Variants in WDR17 observed in about 807,000 individuals in gnomAD.
WDR17 encodes WD repeat-containing protein 17.
Under a neutral mutation model 161.7 loss-of-function variants are expected in WDR17, and 143 were observed. The observed-to-expected ratio is 0.88, with a 90% confidence interval of 0.77 to 1.02. WDR17 has a LOEUF of 1.02. Ranked by LOEUF, WDR17 falls within the 50% of genes least tolerant of loss-of-function variation. WDR17 has a pLI of 0.00. For missense variants in WDR17, 1,469 were observed against 1,520.9 expected, an observed-to-expected ratio of 0.97 and a Z score of 0.57; for synonymous variants, 517 against 515.6, an observed-to-expected ratio of 1.00 and a Z score of -0.04.
intron 7 of WDR17, 55 bp from the exon 8 acceptor site, chr4:176,135,053 A>G (rs1322794012): frequency 1.9e-6 from 3 of 1,547,852 alleles, no homozygotes; most frequent in African/African-American, 1.4e-5. Context: ...TGGTTCATCT[A>G]TTAATAATGT....
In WDR17 at chr4:176,115,995, G is replaced by C; in HGVS notation, c.307+16G>C. ...AGTACAAAAGGTATAATTACAACTG[G>C]GATTTATTTTATGGAATAAAATATT... is the stretch of plus-strand genomic sequence containing the variant. On this transcript the variant is annotated intron_variant, in intron 3 of 28. Coordinates refer to ENST00000508596, the MANE Select transcript of WDR17 (RefSeq NM_181265.4). 2 of 1,565,336 alleles carry C rather than the reference G, an allele frequency of 1.3e-6. No individual in the cohort carries two copies. Among genetic ancestry groups the C allele is most frequent in the Non-Finnish European group, 8.6e-7 (1 of 1,159,662 alleles).
chr4:176,152,799 G>T (rs999659529), intron 17 of WDR17, among the ~76,000 whole-genome samples: 1 of 150,766 alleles, frequency 6.6e-6, no homozygotes, highest in Admixed American at 6.6e-5. Context: ...GCCCAGCATG[G>T]TGGCGTATTC....
At chr4:176,149,358 C>T (rs1276526673) in intron 13 of WDR17, among the ~76,000 whole-genome samples, 2 of 152,064 alleles carry the variant, frequency 1.3e-5, no homozygotes, top group Non-Finnish European at 2.9e-5. Flanking sequence ...CAACCTTCAC[C>T]TCCCAGGTTC....
At chr4:176,078,762 T>C (rs953176669) in intron 1 of WDR17, among the ~76,000 whole-genome samples, 1 of 152,014 alleles carries the variant, frequency 6.6e-6, no homozygotes, top group Admixed American at 6.6e-5. Context: ...ATTTTGTTCA[T>C]TAAAACATAG....
intron 9 of WDR17, among the ~76,000 whole-genome samples, chr4:176,137,914 C>T (rs1216347995): frequency 6.6e-6 from 1 of 151,590 alleles, no homozygotes; most frequent in Admixed American, 6.6e-5. Flanking sequence ...AATTATAGTC[C>T]TGGTTCTGTT....
rs1207069475 is a variant in WDR17 at position 176,097,962 on chromosome 4, A to G, written c.-6-13613A>G. ...ATAAATGAATGCCTGGTTTTGAAAC[A>G]TACTAAAAGTGTAGCTGTTGTTAAA... On this transcript the variant is annotated intron_variant, in intron 1 of 28. Coordinates refer to ENST00000508596, the MANE Select transcript of WDR17 (RefSeq NM_181265.4). Among the ~76,000 whole-genome samples the G allele has an allele frequency of 2.0e-5, 3 of 152,018 alleles. 1 individual carries two copies. Among genetic ancestry groups the G allele is most frequent in the South Asian group, 4.1e-4 (2 of 4,830 alleles).
rs535041885 is a variant in WDR17 at position 176,115,655 on chromosome 4, G to A, written c.124-141G>A. ...ATGAATACACTTGAATGTAGACCAAGGCTTGAAATATGTTCATATCTTTAT... is the reference window on the plus strand; with the variant it reads ...ATGAATACACTTGAATGTAGACCAAAGCTTGAAATATGTTCATATCTTTAT... On this transcript the variant is annotated intron_variant, in intron 2 of 28. Transcript: ENST00000508596. The A allele has an allele frequency of 2.2e-5, 12 of 539,946 alleles. No individual in the cohort carries two copies. The South Asian group carries it at 2.2e-4, about 10-fold the overall frequency. The allele number at this position is 539,946 out of a possible 1,614,324, so 33.4% of individuals were successfully genotyped here.
chr4:176,140,079 C>A, intron 10 of WDR17, 105 bp downstream of exon 10: 3 of 896,662 alleles, frequency 3.3e-6, no homozygotes, highest in Non-Finnish European at 4.9e-6. Flanking sequence ...ACAGCTCTAC[C>A]AACTCTCAGA....
At chr4:176,104,164 C>G (rs1009467121) in intron 1 of WDR17, among the ~76,000 whole-genome samples, 1 of 152,038 alleles carries the variant, frequency 6.6e-6, no homozygotes. Context: ...TTTTATCCTG[C>G]AAAACTGTCT....
At chr4:176,129,825 A>G (rs1438198491) in intron 6 of WDR17, among the ~76,000 whole-genome samples, 1 of 149,854 alleles carries the variant, frequency 6.7e-6, no homozygotes, top group Non-Finnish European at 1.5e-5. Context: ...AAATATTAGG[A>G]CTAGAGAAGT....
intron 1 of WDR17, among the ~76,000 whole-genome samples, chr4:176,068,617 GA>G (rs1383357813): frequency 6.6e-6 from 1 of 151,472 alleles, no homozygotes; most frequent in Non-Finnish European, 1.5e-5. Context: ...TTAAAGAAAA[GA>G]AAAAGAAAAA....
At chr4:176,167,553 G>A (rs1749982507) in intron 22 of WDR17, among the ~76,000 whole-genome samples, 1 of 146,418 alleles carries the variant, frequency 6.8e-6, no homozygotes, top group Non-Finnish European at 1.5e-5. Context: ...GGCTGAGGCA[G>A]GAGAATGGCG....
intron 1 of WDR17, among the ~76,000 whole-genome samples, chr4:176,097,752 C>T (rs903786837): frequency 1.3e-5 from 2 of 151,218 alleles, no homozygotes; most frequent in South Asian, 4.2e-4. Context: ...TACACACACA[C>T]ACACACACAC....
rs1752057900 is a variant in WDR17, at chr4:176,180,535, C to G, written c.*956C>G. ...ACCAGCCTGGCCAGCATGGTAAAAC[C>G]CTGTCTCCACTAAAAATACAAAAAT... On this transcript the variant is annotated 3_prime_UTR_variant, in exon 29 of 29. Coordinates refer to ENST00000508596, the MANE Select transcript of WDR17 (RefSeq NM_181265.4). 6.6e-6 allele frequency: 1 copy of G among 152,136 alleles called. No individual in the cohort carries two copies. The allele number at this position is 152,136 out of a possible 1,614,324, so 9.4% of individuals were successfully genotyped here. A position where few individuals can be genotyped will look rare whatever the true frequency, so the allele number is the denominator to read the frequency against.
At chr4:176,120,320 A>ATG (rs1561130343) in intron 4 of WDR17, among the ~76,000 whole-genome samples, 1 of 138,594 alleles carries the variant, frequency 7.2e-6, no homozygotes, top group Non-Finnish European at 1.6e-5. Context: ...ATATATATAT[A>ATG]ATACATTCAA....
intron 6 of WDR17, among the ~76,000 whole-genome samples, chr4:176,130,478 C>T (rs1267159717): frequency 2.6e-5 from 4 of 152,232 alleles, no homozygotes; most frequent in South Asian, 2.1e-4. Flanking sequence ...GGCGCGGTGG[C>T]TCATGCCTGT....
intron 24 of WDR17, among the ~76,000 whole-genome samples, 153 bp downstream of exon 24, chr4:176,172,669 G>A (rs1288912723): frequency 1.3e-5 from 2 of 152,156 alleles, no homozygotes; most frequent in Admixed American, 1.3e-4. Flanking sequence ...TTGGCTCATG[G>A]TTCTGCAGGC....
chr4:176,111,719 T>G lies in WDR17; in HGVS notation c.123+16T>G. The G allele has an allele frequency of 6.5e-7, 1 of 1,540,372 alleles. No individual in the cohort carries two copies. Among genetic ancestry groups the G allele is most frequent in the Middle Eastern group, 1.8e-4 (1 of 5,496 alleles). On this transcript the variant is annotated intron_variant, in intron 2 of 28. Transcript: ENST00000508596. ...TATTTATCAGGTAAAATAATAATTC[T>G]TTTCCATTTTTAATTATATCCGGTA...
At chr4:176,159,048 T>TG (rs1472966212) in intron 18 of WDR17, among the ~76,000 whole-genome samples, 5 of 152,220 alleles carry the variant, frequency 3.3e-5, no homozygotes, top group Non-Finnish European at 7.3e-5. Context: ...AACAGTGAGC[T>TG]GGCAAATATC....
Sources: allele counts gnomAD v4.1 joint callset (sites outside exome capture counted in the v4.1 genomes callset), GRCh38; gene constraint gnomAD v4.1.1; transcripts MANE v1.5; gene names NCBI Gene and HGNC (gene_info 2026-07-23, HGNC 2026-07-21).